The following EPB41 variants were observed in gnomAD, a reference collection of about 807,000 sequenced individuals.
EPB41 encodes protein 4.1.
Under a neutral mutation model 108.0 loss-of-function variants are expected in EPB41, and 65 were observed. The ratio of observed to expected loss-of-function variants is 0.60; its 90% CI spans 0.49 to 0.74. The LOEUF is 0.74. EPB41 is among the 30% of genes least tolerant of loss of function. The pLI is 0.00. For synonymous variants in EPB41, 336 were observed against 358.9 expected (o/e 0.94, Z 0.72); for missense variants, 875 against 1,037.0 (o/e 0.84, Z 2.15).
At chr1:28,959,073 T>C (rs1318323298) in intron 1 of EPB41, among the ~76,000 whole-genome samples, 2 of 151,714 alleles carry the variant, frequency 1.3e-5, no homozygotes, top group Non-Finnish European at 2.9e-5. Context: ...GCAGGCTGTT[T>C]TAGGAAGCAG....
intron 4 of EPB41, among the ~76,000 whole-genome samples, chr1:28,998,892 T>C (rs1349420689): frequency 6.6e-6 from 1 of 152,212 alleles, no homozygotes; most frequent in African/African-American, 2.4e-5. Flanking sequence ...TAAAAAATCA[T>C]AACATCACTT....
At chr1:28,992,130 T>A (rs1446787054) in intron 2 of EPB41, among the ~76,000 whole-genome samples, 2 of 152,186 alleles carry the variant, frequency 1.3e-5, no homozygotes, top group African/African-American at 4.8e-5. Flanking sequence ...CATAGATAGA[T>A]AGGATAGCCA....
intron 7 of EPB41, among the ~76,000 whole-genome samples, chr1:29,027,422 C>T (rs1160058109): frequency 1.3e-5 from 2 of 151,436 alleles, no homozygotes; most frequent in East Asian, 2.0e-4. Context: ...ACCTCTGCCT[C>T]CCAGGTTCAA....
At chr1:28,963,303 G>C (rs765046440) in intron 1 of EPB41, among the ~76,000 whole-genome samples, 49 of 151,956 alleles carry the variant, frequency 3.2e-4, no homozygotes, top group Non-Finnish European at 6.2e-4. Context: ...GATCTGGAAA[G>C]CCTGATGAGG....
intron 1 of EPB41, among the ~76,000 whole-genome samples, chr1:28,949,815 G>A (rs1055857224): frequency 6.6e-6 from 1 of 151,868 alleles, no homozygotes; most frequent in Non-Finnish European, 1.5e-5. Flanking sequence ...TATTGGCCAG[G>A]GTGGTCTCGA....
At chr1:29,111,684 T>G (rs902931786) in intron 18 of EPB41, among the ~76,000 whole-genome samples, 3 of 150,228 alleles carry the variant, frequency 2.0e-5, no homozygotes, top group African/African-American at 4.9e-5. Flanking sequence ...ATAAAAAAGA[T>G]TGTAGTAATC....
chr1:29,016,565 A>C (rs1223856086), intron 6 of EPB41, among the ~76,000 whole-genome samples: 1 of 151,964 alleles, frequency 6.6e-6, no homozygotes, highest in Non-Finnish European at 1.5e-5. Flanking sequence ...TCCCTTTTAA[A>C]ATGTTTGATG....
chr1:29,053,434 T>C (rs930160651), intron 12 of EPB41, 122 bp downstream of exon 12: 1 of 1,066,664 alleles, frequency 9.4e-7, no homozygotes, highest in African/African-American at 1.6e-5. Flanking sequence ...TTATTCTTCA[T>C]TCTTTCTAAA....
At chr1:29,052,955 G>A in intron 11 of EPB41, 149 bp from the exon 12 acceptor site, 1 of 865,358 alleles carries the variant, frequency 1.2e-6, no homozygotes, top group East Asian at 2.7e-5. Context: ...GAGCACTAAT[G>A]ATTTATTTTT....
chr1:28,950,796 C>T (rs2094689223), intron 1 of EPB41, among the ~76,000 whole-genome samples: 1 of 152,068 alleles, frequency 6.6e-6, no homozygotes, highest in Non-Finnish European at 1.5e-5. Context: ...GGCAGCCTCC[C>T]AAGAGGGAAG....
chr1:28,977,814 C>G (rs1047687533), intron 1 of EPB41, among the ~76,000 whole-genome samples: 1 of 151,996 alleles, frequency 6.6e-6, no homozygotes, highest in East Asian at 1.9e-4. Context: ...TGGCATTTGT[C>G]TAGAGAAGTA....
chr1:29,068,649 C>T (rs1190802478), intron 16 of EPB41: 2 of 847,270 alleles, frequency 2.4e-6, no homozygotes, highest in Non-Finnish European at 3.1e-6. Flanking sequence ...TATTTCCATT[C>T]TCTGGGGATA....
intron 1 of EPB41, among the ~76,000 whole-genome samples, chr1:28,906,122 A>G (rs916455106): frequency 2.0e-5 from 3 of 152,050 alleles, no homozygotes; most frequent in African/African-American, 7.2e-5. Context: ...CGTGGCCCCA[A>G]TTTCTCAATT....
chr1:28,913,243 T>A (rs1304635173), upstream of EPB41, among the ~76,000 whole-genome samples: 1 of 151,904 alleles, frequency 6.6e-6, no homozygotes, highest in African/African-American at 2.4e-5. Flanking sequence ...GGTCAGGAGA[T>A]CGAGACTAAC....
At chr1:29,092,033 C>T (rs950000578) in intron 16 of EPB41, among the ~76,000 whole-genome samples, 6 of 151,288 alleles carry the variant, frequency 4.0e-5, no homozygotes, top group African/African-American at 1.5e-4. Context: ...GATTTGAGTA[C>T]TACAGTGTGT....
intron 6 of EPB41, among the ~76,000 whole-genome samples, chr1:29,016,913 G>C (rs1445624442): frequency 6.6e-6 from 1 of 152,136 alleles, no homozygotes; most frequent in East Asian, 1.9e-4. Context: ...GGCCTAGATA[G>C]TTTCCATATC....
At position 28,921,975 on chromosome 1, in the gene EPB41, G is replaced by GTT. The variant is rs61105878; in HGVS notation, c.-8+7218_-8+7219dup. 2.5e-3 allele frequency among the ~76,000 whole-genome samples: 257 copies of GTT among 101,758 alleles called. 4 individuals carry two copies. The highest frequency in any genetic ancestry group is 6.9e-3 in the South Asian group (21 of 3,040). The allele number at this position is 101,758 out of a possible 152,430, so 66.8% of individuals were successfully genotyped here. ...ATATATATATATACACTTTTTTTTT[G>GTT]TTTTTTTTTTTTGAGACGGAGTCTC... On this transcript the variant is annotated intron_variant, in intron 1 of 20. Coordinates refer to ENST00000343067, the MANE Select transcript of EPB41 (RefSeq NM_001376013.1).
At chr1:28,986,047 T>G (rs975799925) in intron 1 of EPB41, among the ~76,000 whole-genome samples, 2 of 142,728 alleles carry the variant, frequency 1.4e-5, no homozygotes, top group African/African-American at 5.2e-5. Context: ...GATCTCATTG[T>G]TCAATTCCCA....
intron 1 of EPB41, among the ~76,000 whole-genome samples, chr1:28,937,301 T>A (rs2094074136): frequency 6.6e-6 from 1 of 152,254 alleles, no homozygotes; most frequent in African/African-American, 2.4e-5. Flanking sequence ...TTCCATAGAC[T>A]AAACCTTTAT....
Sources: allele counts gnomAD v4.1 joint callset (sites outside exome capture counted in the v4.1 genomes callset), GRCh38; gene constraint gnomAD v4.1.1; transcripts MANE v1.5; gene names NCBI Gene and HGNC (gene_info 2026-07-23, HGNC 2026-07-21).